The following CTNNA2 variants were observed in gnomAD, a reference collection of about 807,000 sequenced individuals.
The protein encoded by CTNNA2 is catenin alpha-2.
CTNNA2 carries 42 observed loss-of-function variants against 101.0 expected under a neutral mutation model. That is an observed-to-expected ratio of 0.42 (90% CI 0.32 to 0.54). The LOEUF is 0.54. Among genes scored for constraint, CTNNA2 ranks in the 20% least tolerant of loss-of-function variants. The pLI is 0.14. For missense variants in CTNNA2, 871 were observed against 1,223.1 expected, an observed-to-expected ratio of 0.71 and a Z score of 4.29; for synonymous variants, 450 against 456.4, an observed-to-expected ratio of 0.99 and a Z score of 0.18.
At chr2:79,832,170 C>G (rs951232208) in intron 3 of CTNNA2, among the ~76,000 whole-genome samples, 1 of 152,164 alleles carries the variant, frequency 6.6e-6, no homozygotes, top group Non-Finnish European at 1.5e-5. Flanking sequence ...GACTGAACGG[C>G]CTGTGTCGCC....
At chr2:79,990,513 T>C (rs943615177) in intron 7 of CTNNA2, among the ~76,000 whole-genome samples, 2 of 152,186 alleles carry the variant, frequency 1.3e-5, no homozygotes, top group Admixed American at 6.6e-5. Context: ...CTCCACTTAC[T>C]AGCTGTGTGA....
intron 4 of CTNNA2, among the ~76,000 whole-genome samples, chr2:79,374,926 T>A (rs2122862): frequency 6.6e-6 from 1 of 151,556 alleles, no homozygotes; most frequent in African/African-American, 2.4e-5. Flanking sequence ...CAATTTACAA[T>A]CTAATAAAAA....
chr2:80,344,788 C>T (rs191565142), intron 7 of CTNNA2, among the ~76,000 whole-genome samples: 7 of 152,238 alleles, frequency 4.6e-5, no homozygotes, highest in East Asian at 3.9e-4. Context: ...ACATGGCCTC[C>T]GAAACTAAAT....
intron 7 of CTNNA2, among the ~76,000 whole-genome samples, chr2:80,149,481 T>C (rs2148925181): frequency 6.6e-6 from 1 of 152,260 alleles, no homozygotes; most frequent in South Asian, 2.1e-4. Flanking sequence ...AAATGTCACC[T>C]TCTCTGTTCA....
chr2:80,637,299 ATTTTCAT>A (rs1361431507), intron 18 of CTNNA2, among the ~76,000 whole-genome samples: 2 of 152,134 alleles, frequency 1.3e-5, no homozygotes, highest in Non-Finnish European at 2.9e-5. Flanking sequence ...AGAAAGTGCT[ATTTTCAT>A]TTTTAATTTT....
intron 9 of CTNNA2, among the ~76,000 whole-genome samples, chr2:80,459,327 A>G (rs1684236678): frequency 2.0e-5 from 3 of 152,128 alleles, no homozygotes; most frequent in Admixed American, 2.0e-4. Context: ...AAACCACTAT[A>G]CAAGTTGACC....
chr2:79,612,341 A>G (rs1678330745), intron 1 of CTNNA2, among the ~76,000 whole-genome samples: 1 of 152,144 alleles, frequency 6.6e-6, no homozygotes, highest in Non-Finnish European at 1.5e-5. Context: ...CTGACCTCAA[A>G]TATTTTTGAA....
At chr2:79,234,314 T>C (rs778408768) in intron 2 of CTNNA2, among the ~76,000 whole-genome samples, 3 of 152,128 alleles carry the variant, frequency 2.0e-5, no homozygotes, top group Non-Finnish European at 4.4e-5. Context: ...TGGTGAGGTA[T>C]GATAGTCTTG....
chr2:80,224,260 C>A (rs978757632), intron 7 of CTNNA2, among the ~76,000 whole-genome samples: 1 of 152,146 alleles, frequency 6.6e-6, no homozygotes, highest in Non-Finnish European at 1.5e-5. Context: ...TAGCACCCAC[C>A]CTTACCCTCT....
At chr2:79,968,226 G>C (rs1031784598) in intron 7 of CTNNA2, among the ~76,000 whole-genome samples, 2 of 151,776 alleles carry the variant, frequency 1.3e-5, no homozygotes, top group Non-Finnish European at 2.9e-5. Context: ...AAAAAAAACA[G>C]AGCTCATTTA....
At chr2:79,555,060 TAGG>T (rs1674358647) in intron 1 of CTNNA2, among the ~76,000 whole-genome samples, 1 of 152,172 alleles carries the variant, frequency 6.6e-6, no homozygotes, top group African/African-American at 2.4e-5. Flanking sequence ...TATTAGGAAT[TAGG>T]AGCAGATTTC....
rs1252077700 is a variant in CTNNA2 at position 80,153,967 on chromosome 2, CT to C, written c.1057-239243del. On this transcript the variant is annotated intron_variant, in intron 7 of 18. Transcript: ENST00000402739. ...TGCAACCTTGGACAAGTTACTCACCCTCTCTGGGCTTCAGTTTTCATATCTA... is the reference window on the plus strand; with the variant it reads ...TGCAACCTTGGACAAGTTACTCACCCCTCTGGGCTTCAGTTTTCATATCTA... Among the ~76,000 whole-genome samples the C allele has an allele frequency of 5.3e-5, 8 of 152,284 alleles. No homozygotes were observed. In the East Asian group the frequency reaches 1.5e-3, roughly 29 times the overall value.
chr2:80,098,125 A>G (rs1467377508), intron 7 of CTNNA2, among the ~76,000 whole-genome samples: 1 of 151,830 alleles, frequency 6.6e-6, no homozygotes, highest in Non-Finnish European at 1.5e-5. Context: ...TTTTTTCCTC[A>G]TCTTTGTGGT....
chr2:80,210,580 A>G (rs965044141), intron 7 of CTNNA2, among the ~76,000 whole-genome samples: 1 of 152,152 alleles, frequency 6.6e-6, no homozygotes, highest in African/African-American at 2.4e-5. Context: ...TCCATGGTAT[A>G]TATGTGCCAC....
At chr2:79,638,710 CT>C (rs766349605) in intron 1 of CTNNA2, among the ~76,000 whole-genome samples, 2 of 152,192 alleles carry the variant, frequency 1.3e-5, no homozygotes, top group Non-Finnish European at 2.9e-5. Context: ...TGAGTTTCTG[CT>C]ACTTAATTCC....
intron 1 of CTNNA2, among the ~76,000 whole-genome samples, chr2:79,518,719 T>C (rs772702910): frequency 3.3e-5 from 5 of 152,202 alleles, no homozygotes; most frequent in Admixed American, 6.5e-5. Flanking sequence ...ATCATCAATC[T>C]ATCTTTCAGT....
At chr2:80,102,444 T>C (rs1422562741) in intron 7 of CTNNA2, among the ~76,000 whole-genome samples, 1 of 152,210 alleles carries the variant, frequency 6.6e-6, no homozygotes, top group African/African-American at 2.4e-5. Context: ...TGATTCCTCC[T>C]GTAGGCAAGG....
At chr2:79,474,046 T>G (rs1297102398) in intron 4 of CTNNA2, among the ~76,000 whole-genome samples, 9 of 152,182 alleles carry the variant, frequency 5.9e-5, no homozygotes, top group Non-Finnish European at 1.3e-4. Context: ...CACATGTGTC[T>G]AGTGACTACT....
chr2:79,223,061 G>A (rs1365866555), intron 2 of CTNNA2, among the ~76,000 whole-genome samples: 3 of 152,166 alleles, frequency 2.0e-5, no homozygotes, highest in African/African-American at 4.8e-5. Flanking sequence ...TCGAGAGTCT[G>A]AGGCAAGAGA....
Sources: allele counts gnomAD v4.1 joint callset (sites outside exome capture counted in the v4.1 genomes callset), GRCh38; gene constraint gnomAD v4.1.1; transcripts MANE v1.5; gene names NCBI Gene and HGNC (gene_info 2026-07-23, HGNC 2026-07-21).